SNTG1: variants seen among roughly 807,000 people sequenced by gnomAD.
SNTG1 encodes the protein gamma-1-syntrophin.
A neutral mutation model predicts 74.7 loss-of-function variants in SNTG1; 39 were observed. The ratio of observed to expected loss-of-function variants is 0.52; its 90% CI spans 0.40 to 0.68. SNTG1 has a LOEUF of 0.68. Among genes scored for constraint, SNTG1 ranks in the 30% least tolerant of loss-of-function variants. The probability of loss-of-function intolerance (pLI) is 0.00; values close to 1 mark genes in which losing one functional copy is unlikely to be tolerated. For missense variants in SNTG1, 685 were observed against 609.5 expected (o/e 1.12, Z -1.30); for synonymous variants, 254 against 217.1 (o/e 1.17, Z -1.49).
intron 13 of SNTG1, among the ~76,000 whole-genome samples, chr8:50,641,493 C>T (rs1239111956): frequency 6.6e-6 from 1 of 152,166 alleles, no homozygotes; most frequent in Non-Finnish European, 1.5e-5. Flanking sequence ...TCTCCCTAAT[C>T]CTTTTAATGA....
intron 1 of SNTG1, among the ~76,000 whole-genome samples, chr8:50,067,492 T>G (rs1160261358): frequency 6.6e-6 from 1 of 152,220 alleles, no homozygotes; most frequent in Non-Finnish European, 1.5e-5. Context: ...TTTACTTAGC[T>G]CAGTGTGAAA....
At chr8:50,387,318 C>A (rs72642342) in intron 2 of SNTG1, among the ~76,000 whole-genome samples, 56 of 152,278 alleles carry the variant, frequency 3.7e-4, no homozygotes, top group Non-Finnish European at 6.9e-4. Flanking sequence ...AGCCACCACA[C>A]AAATTTCTTC....
chr8:50,546,801 G>T (rs1184594907), intron 11 of SNTG1, among the ~76,000 whole-genome samples: 2 of 152,094 alleles, frequency 1.3e-5, no homozygotes, highest in Non-Finnish European at 1.5e-5. Context: ...ATTTGGGTTG[G>T]TTCCAAATCT....
chr8:50,666,359 T>A (rs1321239493), intron 15 of SNTG1, among the ~76,000 whole-genome samples: 3 of 152,090 alleles, frequency 2.0e-5, no homozygotes, highest in Non-Finnish European at 4.4e-5. Context: ...TGGTGAGTCA[T>A]GAATGAAGCC....
rs2092750067 is a variant in SNTG1, at chr8:50,397,991, A to G, written c.27+3726A>G. Among the ~76,000 whole-genome samples the G allele has an allele frequency of 2.6e-5, 4 of 152,368 alleles. No homozygotes were observed. The South Asian group carries it at 6.2e-4, about 24-fold the overall frequency. On this transcript the variant is annotated intron_variant, in intron 3 of 18. Transcript: ENST00000642720. Reference sequence around the variant, plus strand: ...ACAAATAAATGAAATATATGACCACATTTCATGAGTGAGGATCTCAGTCCA... The same window carrying G: ...ACAAATAAATGAAATATATGACCACGTTTCATGAGTGAGGATCTCAGTCCA...
At chr8:50,091,020 G>T (rs1375542370) in intron 1 of SNTG1, among the ~76,000 whole-genome samples, 3 of 152,008 alleles carry the variant, frequency 2.0e-5, no homozygotes, top group Non-Finnish European at 4.4e-5. Context: ...AATCTTAATG[G>T]ACCAAAAATA....
chr8:50,193,404 A>ATGTG, intron 2 of SNTG1, among the ~76,000 whole-genome samples: 1 of 150,766 alleles, frequency 6.6e-6, no homozygotes, highest in East Asian at 2.0e-4. Flanking sequence ...TTGTTTTCTT[A>ATGTG]TTTGTTTGTT....
rs139222399 is a variant in SNTG1, at chr8:50,723,995, C to T, written c.1284+15017C>T. On this transcript the variant is annotated intron_variant, in intron 17 of 18. Coordinates refer to ENST00000642720, the MANE Select transcript of SNTG1 (RefSeq NM_018967.5). ...AGGCATGAAAGGGCTTTGCTATTTGCTTTTTTCCAAGAACATAAGGAGGGC... is the reference window on the plus strand; with the variant it reads ...AGGCATGAAAGGGCTTTGCTATTTGTTTTTTTCCAAGAACATAAGGAGGGC... Among the ~76,000 whole-genome samples the T allele has an allele frequency of 6.3e-4, 96 of 152,112 alleles. 1 individual carries two copies. Among genetic ancestry groups the T allele is most frequent in the Non-Finnish European group, 1.3e-3 (88 of 68,012 alleles).
At chr8:50,264,662 A>G (rs2087372014) in intron 2 of SNTG1, among the ~76,000 whole-genome samples, 1 of 151,890 alleles carries the variant, frequency 6.6e-6, no homozygotes, top group South Asian at 2.1e-4. Flanking sequence ...ATGGAAACAC[A>G]TAAAAATATA....
intron 13 of SNTG1, among the ~76,000 whole-genome samples, chr8:50,638,974 TA>T (rs1258596388): frequency 1.3e-5 from 2 of 152,130 alleles, no homozygotes; most frequent in Non-Finnish European, 2.9e-5. Flanking sequence ...CATTTTATGC[TA>T]AAAGCTGAAA....
At position 50,612,227 on chromosome 8, in the gene SNTG1, T is replaced by A. The variant is rs184779494; in HGVS notation, c.849+21310T>A. ...GAGTTTTTGAAAACCTTTATCTCCA[T>A]AGTAACAGCTGGAAGATTTTTCTAA... is the stretch of plus-strand genomic sequence containing the variant. On this transcript the variant is annotated intron_variant, in intron 13 of 18. Transcript: ENST00000642720. Among the ~76,000 whole-genome samples, 254 of 152,312 alleles carry A rather than the reference T, an allele frequency of 1.7e-3. 1 individual carries two copies. The highest frequency in any genetic ancestry group is 0.012 in the Admixed American group (190 of 15,290).
At chr8:50,704,839 TA>T in intron 16 of SNTG1, 87 bp downstream of exon 16, 2 of 1,451,952 alleles carry the variant, frequency 1.4e-6, no homozygotes, top group Non-Finnish European at 9.4e-7. Flanking sequence ...CAAAGTAGTG[TA>T]AAAATACAGT....
intron 17 of SNTG1, among the ~76,000 whole-genome samples, chr8:50,750,181 G>T (rs548934157): frequency 6.6e-6 from 1 of 152,140 alleles, no homozygotes; most frequent in South Asian, 2.1e-4. Context: ...CAGGACTTCA[G>T]TGAAGGAAGT....
At chr8:50,114,649 G>A (rs907870180) in intron 1 of SNTG1, among the ~76,000 whole-genome samples, 2 of 151,986 alleles carry the variant, frequency 1.3e-5, no homozygotes, top group Non-Finnish European at 1.5e-5. Context: ...GGTGGATCAC[G>A]AGGTCAAGAG....
intron 18 of SNTG1, among the ~76,000 whole-genome samples, chr8:50,778,494 A>G (rs1167623872): frequency 3.3e-5 from 5 of 151,974 alleles, no homozygotes; most frequent in African/African-American, 9.7e-5. Context: ...GGCTGCATAA[A>G]TGTCTTCTTT....
chr8:50,723,303 G>A (rs73678637), intron 17 of SNTG1, among the ~76,000 whole-genome samples: 3,307 of 152,154 alleles, frequency 0.022, 105 homozygotes, highest in African/African-American at 0.072. Flanking sequence ...TATTTCTTTT[G>A]CTCTCTCCTT....
intron 2 of SNTG1, among the ~76,000 whole-genome samples, chr8:50,213,423 G>T (rs1015584350): frequency 6.6e-6 from 1 of 152,104 alleles, no homozygotes; most frequent in Non-Finnish European, 1.5e-5. Context: ...TTGCTGTGAG[G>T]GGGATGTTTT....
chr8:50,668,411 G>C (rs2095260888), intron 15 of SNTG1, among the ~76,000 whole-genome samples: 1 of 149,816 alleles, frequency 6.7e-6, no homozygotes, highest in Non-Finnish European at 1.5e-5. Context: ...CTCTTTTCTT[G>C]TTTTGTTTTT....
At chr8:50,184,894 T>C (rs2083326672) in intron 2 of SNTG1, among the ~76,000 whole-genome samples, 1 of 152,156 alleles carries the variant, frequency 6.6e-6, no homozygotes, top group Admixed American at 6.6e-5. Flanking sequence ...TAAATGACAG[T>C]TATTTATTAC....
Sources: allele counts gnomAD v4.1 joint callset (sites outside exome capture counted in the v4.1 genomes callset), GRCh38; gene constraint gnomAD v4.1.1; transcripts MANE v1.5; gene names NCBI Gene and HGNC (gene_info 2026-07-23, HGNC 2026-07-21).